Variants in TMPRSS9 observed in about 807,000 individuals in gnomAD.
TMPRSS9 encodes transmembrane serine protease 9.
In TMPRSS9, 113 loss-of-function variants were observed where a neutral mutation model predicts 111.4. The observed-to-expected ratio is 1.01, with a 90% CI of 0.87 to 1.19. TMPRSS9 has a LOEUF of 1.19. TMPRSS9 is among the 50% of genes most tolerant of loss of function. TMPRSS9 has a pLI of 0.00. For missense variants in TMPRSS9, 1,803 were observed against 1,513.1 expected (o/e 1.19, Z -3.18); for synonymous variants, 805 against 659.1 (o/e 1.22, Z -3.39).
chr19:2,390,231 G>A (rs1269945386), intron 1 of TMPRSS9, among the ~76,000 whole-genome samples: 2 of 110,570 alleles, frequency 1.8e-5, no homozygotes, highest in African/African-American at 3.6e-5. Flanking sequence ...ACCCAAAGTA[G>A]TTTTTTTTTT....
chr19:2,383,054 C>T (rs545745472), intron 1 of TMPRSS9, among the ~76,000 whole-genome samples: 15 of 152,186 alleles, frequency 9.9e-5, no homozygotes, highest in East Asian at 1.9e-4. Flanking sequence ...TAATATCTAC[C>T]GATTTAAATG....
At chr19:2,420,204 C>G (rs963659367) in intron 13 of TMPRSS9, among the ~76,000 whole-genome samples, 2 of 151,866 alleles carry the variant, frequency 1.3e-5, no homozygotes, top group Admixed American at 6.6e-5. Flanking sequence ...TTTGGGAGGC[C>G]GAGGCAGGCA....
chr19:2,408,699 A>G (rs2145351778), intron 8 of TMPRSS9, 69 bp downstream of exon 9: 2 of 1,552,474 alleles, frequency 1.3e-6, no homozygotes, highest in Non-Finnish European at 8.7e-7. Context: ...GAAAAGGGCC[A>G]GGTGAGGTGG....
intron 9 of TMPRSS9, among the ~76,000 whole-genome samples, chr19:2,410,671 T>A (rs1331555419): frequency 6.6e-6 from 1 of 152,070 alleles, no homozygotes; most frequent in African/African-American, 2.4e-5. Context: ...TCCTCTGCCC[T>A]CCATGGCTCC....
At chr19:2,391,032 A>G (rs202123394) in intron 1 of TMPRSS9, among the ~76,000 whole-genome samples, 4 of 63,232 alleles carry the variant, frequency 6.3e-5, no homozygotes, top group South Asian at 5.6e-4. Flanking sequence ...AGAAAGAAAG[A>G]AAGGGAGGGA....
intron 1 of TMPRSS9, among the ~76,000 whole-genome samples, chr19:2,393,244 T>C (rs1970637212): frequency 6.6e-6 from 1 of 152,160 alleles, no homozygotes. Context: ...GGGTGTGAGA[T>C]GCTTTTATGA....
chr19:2,403,362 T>C (rs1372158219), intron 6 of TMPRSS9, among the ~76,000 whole-genome samples, 167 bp downstream of exon 7: 1 of 151,900 alleles, frequency 6.6e-6, no homozygotes, highest in Non-Finnish European at 1.5e-5. Flanking sequence ...GGGAGAAACA[T>C]GAGCAAACAG....
At chr19:2,418,655 CTCCCTACCTT>C (rs1971360625) in intron 13 of TMPRSS9, among the ~76,000 whole-genome samples, 1 of 4,452 alleles carries the variant, frequency 2.2e-4, no homozygotes, top group East Asian at 5.3e-3. Context: ...CTTCCCTTCC[CTCCCTACCTT>C]TCCTTTCCTT....
At chr19:2,371,850 G>A (rs184401667) in intron 1 of TMPRSS9, among the ~76,000 whole-genome samples, 3 of 152,162 alleles carry the variant, frequency 2.0e-5, no homozygotes, top group Non-Finnish European at 4.4e-5. Context: ...CGGACTTCCT[G>A]CCTCCCGCCT....
chr19:2,405,621 A>T, intron 7 of TMPRSS9, 76 bp downstream of exon 8: 1 of 1,398,078 alleles, frequency 7.2e-7, no homozygotes. Context: ...TGGGGACGTC[A>T]CTTCTGGTTT....
intron 13 of TMPRSS9, among the ~76,000 whole-genome samples, chr19:2,420,639 C>A (rs1319138251): frequency 6.6e-6 from 1 of 152,142 alleles, no homozygotes; most frequent in Non-Finnish European, 1.5e-5. Context: ...GAGTTCAAAT[C>A]CTGCTTCAAC....
intron 1 of TMPRSS9, among the ~76,000 whole-genome samples, chr19:2,369,125 A>G (rs1279815145): frequency 6.6e-6 from 1 of 151,438 alleles, no homozygotes; most frequent in Non-Finnish European, 1.5e-5. Context: ...CTAATTTTGT[A>G]TTTTTAGTAC....
intron 1 of TMPRSS9, among the ~76,000 whole-genome samples, chr19:2,377,938 A>T (rs537956716): frequency 7.9e-5 from 12 of 151,234 alleles, no homozygotes; most frequent in Admixed American, 2.6e-4. Flanking sequence ...TGGCACAGTC[A>T]TAGCTCACTG....
intron 14 of TMPRSS9, 81 bp downstream of exon 15, chr19:2,422,328 C>G: frequency 7.0e-7 from 1 of 1,434,892 alleles, no homozygotes; most frequent in Non-Finnish European, 9.1e-7. Context: ...GACATAACGT[C>G]GTCCACTTTG....
exon 15 of TMPRSS9, chr19:2,424,195 C>T: frequency 6.8e-7 from 1 of 1,461,784 alleles, no homozygotes; most frequent in Non-Finnish European, 9.1e-7. Context: ...GCCGGGAACA[C>T]CGTTGCGGGG....
chr19:2,373,593 G>T (rs1970307474), intron 1 of TMPRSS9, among the ~76,000 whole-genome samples: 1 of 152,046 alleles, frequency 6.6e-6, no homozygotes, highest in South Asian at 2.1e-4. Flanking sequence ...TCGAACTCCT[G>T]ACCTCAGGTG....
intron 1 of TMPRSS9, among the ~76,000 whole-genome samples, chr19:2,371,711 A>G (rs1568466115): frequency 7.4e-6 from 1 of 135,762 alleles, no homozygotes; most frequent in Non-Finnish European, 1.5e-5. Context: ...CAACAAAACC[A>G]AGAAAAAAAA....
At chr19:2,368,193 C>T (rs926168141) in intron 1 of TMPRSS9, among the ~76,000 whole-genome samples, 5 of 152,096 alleles carry the variant, frequency 3.3e-5, no homozygotes, top group Admixed American at 2.6e-4. Flanking sequence ...ATGGCGGCTG[C>T]GTTTTTCCTG....
chr19:2,411,299 C>CAAAAAAAAAAAAA (rs771305642), intron 9 of TMPRSS9, among the ~76,000 whole-genome samples: 3 of 32,306 alleles, frequency 9.3e-5, no homozygotes, highest in Non-Finnish European at 1.4e-4. Flanking sequence ...GACTCTGTCT[C>CAAAAAAAAAAAAA]AAAAAAAAAA....
Sources: gnomAD v4.1 joint callset for allele counts (sites outside exome capture counted in the v4.1 genomes callset) on GRCh38, gnomAD v4.1.1 for gene constraint, MANE v1.5 for transcripts, NCBI Gene and HGNC (gene_info 2026-07-23, HGNC 2026-07-21) for gene names.